The following STAT4 variants were observed in gnomAD, a reference collection of about 807,000 sequenced individuals.
STAT4 encodes the protein signal transducer and activator of transcription 4.
A neutral mutation model predicts 110.5 loss-of-function variants in STAT4; 42 were observed. The observed-to-expected ratio is 0.38, with a 90% CI of 0.30 to 0.49. The LOEUF (loss-of-function observed/expected upper bound fraction) is 0.49, where lower values mean the gene tolerates loss of function less well. STAT4 is among the 20% of genes least tolerant of loss of function. The pLI, the probability that STAT4 is intolerant of heterozygous loss-of-function variation, is 0.95. For synonymous variants in STAT4, 284 were observed against 302.2 expected, an observed-to-expected ratio of 0.94 and a Z score of 0.63; for missense variants, 632 against 887.9, an observed-to-expected ratio of 0.71 and a Z score of 3.66.
At chr2:191,034,518 T>A (rs745523665) in intron 18 of STAT4, 30 bp downstream of exon 18, 12 of 1,576,342 alleles carry the variant, frequency 7.6e-6, no homozygotes, top group Non-Finnish European at 7.9e-6. Context: ...AAAAAATGTA[T>A]CTAAATGATG....
rs2125133473 is a variant in STAT4 at position 191,030,773 on chromosome 2, G to GAAGGTTCAATACTTATGCGTATTGA, written c.2220+198_2220+199insTCAATACGCATAAGTATTGAACCTT. 1 of 520,352 alleles carries GAAGGTTCAATACTTATGCGTATTGA rather than the reference G, an allele frequency of 1.9e-6. No homozygotes were observed. The highest frequency in any genetic ancestry group is 3.4e-5 in the Admixed American group (1 of 29,600). 32.2% of individuals were successfully genotyped at this position (520,352 alleles called of 1,614,324 possible). ...ACAACGTAAAGCAGTTTAAGTAACTGAAGGTGTCTGCTTTCAATACGCATA... is the reference window on the plus strand; with the variant it reads ...ACAACGTAAAGCAGTTTAAGTAACTGAAGGTTCAATACTTATGCGTATTGAAAGGTGTCTGCTTTCAATACGCATA... On this transcript the variant is annotated intron_variant, in intron 23 of 23. Coordinates refer to ENST00000392320, the MANE Select transcript of STAT4 (RefSeq NM_003151.4). The surrounding 1 kb of genome is among the most constrained non-coding windows in gnomAD (Gnocchi z 4.4).
chr2:191,111,424 T>A (rs1457585114), intron 3 of STAT4, among the ~76,000 whole-genome samples: 2 of 152,186 alleles, frequency 1.3e-5, no homozygotes, highest in East Asian at 3.8e-4. Flanking sequence ...TTTCAAATGA[T>A]CACAAATAAA....
chr2:191,039,261 T>C lies in STAT4; in HGVS notation c.1372A>G (p.Ser458Gly). The C allele has an allele frequency of 6.2e-7, 1 of 1,614,212 alleles. No individual in the cohort carries two copies. Among genetic ancestry groups the C allele is most frequent in the Non-Finnish European group, 8.5e-7 (1 of 1,180,020 alleles). Residue 458 changes from serine (S) to glycine (G), a missense_variant, in exon 16 of 24, where the codon AGT (serine) becomes GGT (glycine). Physicochemically the swap from Ser to Gly is moderately conservative, Grantham distance 56 (BLOSUM62 0). Coordinates refer to ENST00000392320, the MANE Select transcript of STAT4 (RefSeq NM_003151.4). The surrounding 1 kb of genome is among the most constrained non-coding windows in gnomAD (Gnocchi z 4.7). ...SLPVVMISNV[S>G]QLPNAWASII... Reference sequence around the variant, plus strand: ...GATGCCCAAGCATTAGGTAACTGACTGACATTGGAAATCATCACCACAGGC... The same window carrying C: ...GATGCCCAAGCATTAGGTAACTGACCGACATTGGAAATCATCACCACAGGC...
chr2:191,070,240 T>C (rs1011711103), intron 5 of STAT4, among the ~76,000 whole-genome samples: 3 of 152,234 alleles, frequency 2.0e-5, no homozygotes, highest in African/African-American at 7.2e-5. Flanking sequence ...AATATGCCTA[T>C]GCTTCTTCTG....
Position 191,031,334 on chromosome 2 carries a change from G to A in STAT4, c.2111+116C>T. ...GCTAGCCTTATGTATTAAAGGAAAT[G>A]GGACATTGCACATTACAATGCTTTG... On this transcript the variant is annotated intron_variant, in intron 22 of 23. Transcript: ENST00000392320. This position sits in a 1 kb window ranked among gnomAD's most constrained non-coding sequence, Gnocchi z 4.8. 1 of 1,081,696 alleles carries A rather than the reference G, an allele frequency of 9.2e-7. No homozygotes were observed. The highest frequency in any genetic ancestry group is 1.3e-6 in the Non-Finnish European group (1 of 752,948). The allele number at this position is 1,081,696 out of a possible 1,614,324, so 67.0% of individuals were successfully genotyped here.
intron 3 of STAT4, among the ~76,000 whole-genome samples, chr2:191,132,664 T>A (rs1024878703): frequency 1.3e-5 from 2 of 151,722 alleles, no homozygotes; most frequent in African/African-American, 4.9e-5. Context: ...GAACGTTAAT[T>A]TCTCCTCATA....
Position 191,065,723 on chromosome 2 carries a change from G to C in STAT4, c.630+707C>G, listed in dbSNP as rs1446308532. ...TATAACTAAGTTTATAATTAATTTA[G>C]GGTGAAAATAAATGTTATACTTGTT... On this transcript the variant is annotated intron_variant, in intron 7 of 23. Transcript: ENST00000392320. Among the ~76,000 whole-genome samples, 8 of 152,120 alleles carry C rather than the reference G, an allele frequency of 5.3e-5. No homozygotes were observed. In the East Asian group the frequency reaches 1.2e-3, roughly 22 times the overall value.
In STAT4 at chr2:191,116,884, C is replaced by G; in HGVS notation, c.273+29729G>C. Among the ~76,000 whole-genome samples the G allele has an allele frequency of 6.6e-6, 1 of 152,294 alleles. No homozygotes were observed. The highest frequency in any genetic ancestry group is 1.5e-5 in the Non-Finnish European group (1 of 68,018). On this transcript the variant is annotated intron_variant, in intron 3 of 23. Transcript: ENST00000392320. This position sits in a 1 kb window ranked among gnomAD's most constrained non-coding sequence, Gnocchi z 4.1. ...TGCTTGAGGTGGACAGTAAATAAATCTTTGGGAATCCATCGCTTCCACTAA... is the reference window on the plus strand; with the variant it reads ...TGCTTGAGGTGGACAGTAAATAAATGTTTGGGAATCCATCGCTTCCACTAA...
intron 3 of STAT4, 62 bp from the exon 4 acceptor site, chr2:191,076,387 A>G: frequency 8.3e-7 from 1 of 1,205,508 alleles, no homozygotes; most frequent in Non-Finnish European, 1.2e-6. Context: ...GTATCATAAG[A>G]AAATATCACC....
intron 3 of STAT4, among the ~76,000 whole-genome samples, chr2:191,139,554 A>G (rs1269576861): frequency 6.6e-6 from 1 of 152,234 alleles, no homozygotes; most frequent in Admixed American, 6.5e-5. Context: ...CAAGGGGGTG[A>G]AAGATCTCTA....
rs775517900 is a variant in STAT4, at chr2:191,039,331, G to T, written c.1336-34C>A. ...GGGGGAAAAAAGCATAGTTATTACAGGTAGTCCCACCTTACATTGATCTTA... is the reference window on the plus strand; with the variant it reads ...GGGGGAAAAAAGCATAGTTATTACATGTAGTCCCACCTTACATTGATCTTA... On this transcript the variant is annotated intron_variant, in intron 15 of 23. Transcript: ENST00000392320. The surrounding 1 kb of genome is among the most constrained non-coding windows in gnomAD (Gnocchi z 4.7). 8.8e-6 allele frequency: 14 copies of T among 1,583,056 alleles called. No individual in the cohort carries two copies. The highest frequency in any genetic ancestry group is 1.2e-5 in the Non-Finnish European group (14 of 1,151,928).
intron 3 of STAT4, among the ~76,000 whole-genome samples, chr2:191,096,054 C>T (rs1032966645): frequency 7.2e-5 from 11 of 152,092 alleles, no homozygotes; most frequent in African/African-American, 2.7e-4. Context: ...ATACACCCTG[C>T]CAAGACTAAA....
chr2:191,088,867 A>G (rs1697710716), intron 3 of STAT4, among the ~76,000 whole-genome samples: 1 of 152,234 alleles, frequency 6.6e-6, no homozygotes, highest in Admixed American at 6.5e-5. Context: ...ATAGCTGGAT[A>G]TTCAGCTGGA....
At chr2:191,047,071 A>T (rs1292688656) in intron 14 of STAT4, among the ~76,000 whole-genome samples, 1 of 152,158 alleles carries the variant, frequency 6.6e-6, no homozygotes, top group East Asian at 1.9e-4. Context: ...CAACTTTGTA[A>T]TGAACTGTAT....
At chr2:191,151,094 G>A, upstream of STAT4, 2 of 985,478 alleles carry the variant, frequency 2.0e-6, no homozygotes, top group Non-Finnish European at 2.4e-6. The surrounding 1 kb of genome is among the most constrained non-coding windows in gnomAD (Gnocchi z 4.7). Context: ...GTGCGTCAGT[G>A]TTCGAGTCTC....
rs997675823 is a variant in STAT4, at chr2:191,033,022, G to A, written c.1980C>T (p.Tyr660=). The A allele has an allele frequency of 6.2e-7, 1 of 1,614,084 alleles. No individual in the cohort carries two copies. Among genetic ancestry groups the A allele is most frequent in the South Asian group, 1.1e-5 (1 of 91,086 alleles). The stretch of plus-strand genomic sequence containing the variant: ...TGTCTTTGGGAATGTCAGGATATAG[G>A]TACTTCAGAGGGTTTTCAGGAATGT... ...AENIPENPLK[Y]LYPDIPKDKA... is the part of the protein sequence containing the mutation. Residue 660 remains tyrosine (Y), a synonymous_variant, in exon 21 of 24, where the codon TAC becomes TAT. Transcript: ENST00000392320. This position sits in a 1 kb window ranked among gnomAD's most constrained non-coding sequence, Gnocchi z 6.9.
intron 3 of STAT4, among the ~76,000 whole-genome samples, chr2:191,127,852 T>G (rs1373321589): frequency 1.3e-5 from 2 of 152,138 alleles, no homozygotes; most frequent in Admixed American, 6.5e-5. Context: ...AGTACTAAAT[T>G]GTCAAAGAAG....
chr2:191,092,695 T>G (rs1245829902), intron 3 of STAT4, among the ~76,000 whole-genome samples: 1 of 152,126 alleles, frequency 6.6e-6, no homozygotes, highest in Non-Finnish European at 1.5e-5. Context: ...TGGGACTGGT[T>G]GGACAGTGGG....
At position 191,060,187 on chromosome 2, in the gene STAT4, C is replaced by G. The variant is rs1033693465; in HGVS notation, c.1035-1418G>C. ...ACACAACATGCAAGTGGTGCTGATT[C>G]AGAGTGCCTCTTCCACTTAGAATTT... On this transcript the variant is annotated intron_variant, in intron 10 of 23. Transcript: ENST00000392320. This position sits in a 1 kb window ranked among gnomAD's most constrained non-coding sequence, Gnocchi z 4.5. Among the ~76,000 whole-genome samples the G allele has an allele frequency of 1.3e-5, 2 of 152,142 alleles. No individual in the cohort carries two copies. The highest frequency in any genetic ancestry group is 1.5e-5 in the Non-Finnish European group (1 of 68,026).
Sources: gnomAD v4.1 joint callset for allele counts (sites outside exome capture counted in the v4.1 genomes callset) on GRCh38, gnomAD v4.1.1 for gene constraint, Gnocchi (gnomAD v3.1) non-coding constraint, MANE v1.5 for transcripts, NCBI Gene and HGNC (gene_info 2026-07-23, HGNC 2026-07-21) for gene names.